The following BMPR1B variants were observed in gnomAD, a reference collection of about 807,000 sequenced individuals.
The protein encoded by BMPR1B is bone morphogenetic protein receptor type-1B.
In BMPR1B, 12 loss-of-function variants were observed where a neutral mutation model predicts 59.1. The ratio of observed to expected loss-of-function variants is 0.20; its 90% CI spans 0.13 to 0.33. The LOEUF is 0.33. BMPR1B is among the 10% of genes least tolerant of loss of function. The pLI is 1.00. For synonymous variants in BMPR1B, 237 were observed against 207.3 expected (o/e 1.14, Z -1.23); for missense variants, 550 against 610.9 (o/e 0.90, Z 1.05).
chr4:94,777,572 G>A (rs1032646602), intron 1 of BMPR1B, among the ~76,000 whole-genome samples: 4 of 152,046 alleles, frequency 2.6e-5, no homozygotes, highest in Non-Finnish European at 4.4e-5. Context: ...GTAGTCAATG[G>A]CAGAAGTGAC....
Position 95,113,453 on chromosome 4 carries a change from C to A in BMPR1B, c.144-1267C>A, listed in dbSNP as rs141778799. On this transcript the variant is annotated intron_variant, in intron 4 of 12. Coordinates refer to ENST00000515059, the MANE Select transcript of BMPR1B (RefSeq NM_001203.3). ...GCTAACATATAGCAGCATGCTGCTA[C>A]CACTAAGACAGAATAGACAAACCCA... Among the ~76,000 whole-genome samples, 722 of 152,280 alleles carry A rather than the reference C, an allele frequency of 4.7e-3. 2 individuals carry two copies. The highest frequency in any genetic ancestry group is 0.016 in the African/African-American group (667 of 41,574).
chr4:94,990,432 G>A (rs1721661638), intron 2 of BMPR1B, among the ~76,000 whole-genome samples: 1 of 152,106 alleles, frequency 6.6e-6, no homozygotes, highest in Non-Finnish European at 1.5e-5. Flanking sequence ...GCCCAAAAGT[G>A]GAAACCAACC....
chr4:94,774,758 C>T (rs62316513), intron 1 of BMPR1B, among the ~76,000 whole-genome samples: 47,434 of 151,630 alleles, frequency 0.31, 8,072 homozygotes, highest in African/African-American at 0.45. Context: ...AGTGTGCTTC[C>T]ATCCTCACAG....
Position 94,843,057 on chromosome 4 carries a change from T to A in BMPR1B, c.-182-32774T>A, listed in dbSNP as rs369915147. On this transcript the variant is annotated intron_variant, in intron 1 of 12. Coordinates refer to ENST00000515059, the MANE Select transcript of BMPR1B (RefSeq NM_001203.3). ...TACTCTCTGCCAGGCACTGTTTTAATGTTTAAAACATATAATTGCATTTAA... is the reference window on the plus strand; with the variant it reads ...TACTCTCTGCCAGGCACTGTTTTAAAGTTTAAAACATATAATTGCATTTAA... 5.9e-5 allele frequency among the ~76,000 whole-genome samples: 9 copies of A among 152,314 alleles called. No homozygotes were observed. In the East Asian group the frequency reaches 1.2e-3, roughly 20 times the overall value.
chr4:95,104,683 T>A, intron 4 of BMPR1B, 116 bp downstream of exon 4: 1 of 1,282,318 alleles, frequency 7.8e-7, no homozygotes, highest in East Asian at 2.4e-5. Context: ...CCTAACACTA[T>A]CGTAAACTCT....
chr4:94,882,119 C>T (rs954585756), intron 2 of BMPR1B, among the ~76,000 whole-genome samples: 1 of 152,042 alleles, frequency 6.6e-6, no homozygotes, highest in African/African-American at 2.4e-5. Flanking sequence ...TGCTACTGTC[C>T]CCCTCACTGT....
chr4:94,825,979 T>C (rs1000784292), intron 1 of BMPR1B, among the ~76,000 whole-genome samples: 11 of 152,210 alleles, frequency 7.2e-5, no homozygotes, highest in East Asian at 1.9e-4. Context: ...ATTACAGATA[T>C]TACTTTTTCC....
rs903586259 is a variant in BMPR1B at position 95,067,860 on chromosome 4, A to G, written c.-17-36548A>G. Among the ~76,000 whole-genome samples, 5 of 152,326 alleles carry G rather than the reference A, an allele frequency of 3.3e-5. No homozygotes were observed. In the South Asian group the frequency reaches 1.0e-3, roughly 32 times the overall value. ...ATGGAGGTCGCGGGGGCAAACAAAT[A>G]CAAAGAATACTTTGGGAACGGATAG... On this transcript the variant is annotated intron_variant, in intron 3 of 12. Coordinates refer to ENST00000515059, the MANE Select transcript of BMPR1B (RefSeq NM_001203.3).
intron 11 of BMPR1B, among the ~76,000 whole-genome samples, chr4:95,150,627 T>C (rs1433861866): frequency 1.3e-5 from 2 of 152,170 alleles, no homozygotes; most frequent in Admixed American, 1.3e-4. Context: ...TGAAAGCCTG[T>C]GGGCCAAATA....
At chr4:95,120,610 T>TTTCCTTCCTTCCTCCCTTCCTTCCTTCC (rs1732410699) in intron 6 of BMPR1B, among the ~76,000 whole-genome samples, 1 of 122,586 alleles carries the variant, frequency 8.2e-6, no homozygotes, top group African/African-American at 3.0e-5. Context: ...ATAGCCTGCC[T>TTTCCTTCCTTCCTCCCTTCCTTCCTTCC]TTCCTTCCTT....
At chr4:95,054,775 A>G (rs1186260106) in intron 3 of BMPR1B, among the ~76,000 whole-genome samples, 1 of 152,160 alleles carries the variant, frequency 6.6e-6, no homozygotes, top group Non-Finnish European at 1.5e-5. Context: ...AGTTATAAAG[A>G]TGGTAGACTG....
intron 2 of BMPR1B, among the ~76,000 whole-genome samples, chr4:94,916,415 G>C (rs1268845999): frequency 6.6e-6 from 1 of 152,318 alleles, no homozygotes; most frequent in East Asian, 1.9e-4. Flanking sequence ...GAACTTACTG[G>C]GAACTGGACC....
Position 95,041,893 on chromosome 4 carries a change from C to T in BMPR1B, c.-18+45759C>T, listed in dbSNP as rs1055089395. Among the ~76,000 whole-genome samples the T allele has an allele frequency of 3.7e-4, 56 of 151,934 alleles. 1 individual carries two copies. The highest frequency in any genetic ancestry group is 2.1e-4 in the South Asian group (1 of 4,812). On this transcript the variant is annotated intron_variant, in intron 3 of 12. Coordinates refer to ENST00000515059, the MANE Select transcript of BMPR1B (RefSeq NM_001203.3). The stretch of plus-strand genomic sequence containing the variant: ...TTTTTGAGACGGAGTCTTGCTCTGT[C>T]GCCCAGGCTGTAGTGCAGTGGTGCG...
intron 1 of BMPR1B, among the ~76,000 whole-genome samples, chr4:94,825,242 C>T (rs762364640): frequency 2.6e-5 from 4 of 152,130 alleles, no homozygotes; most frequent in African/African-American, 4.8e-5. Context: ...GTAGCTCATG[C>T]CTGTAATCCC....
chr4:94,832,141 A>G (rs778590392), intron 1 of BMPR1B, among the ~76,000 whole-genome samples: 10 of 152,172 alleles, frequency 6.6e-5, no homozygotes, highest in Non-Finnish European at 1.3e-4. Context: ...ACCCTGGTCT[A>G]TGGGAAAACT....
chr4:94,913,649 C>CTGTGTG (rs140050722), intron 2 of BMPR1B, among the ~76,000 whole-genome samples: 2,152 of 150,612 alleles, frequency 0.014, 47 homozygotes, highest in African/African-American at 0.05. Context: ...TTAATTATCT[C>CTGTGTG]TGTGTGTGTG....
chr4:94,873,768 A>G (rs570018917), intron 1 of BMPR1B, among the ~76,000 whole-genome samples: 1 of 152,364 alleles, frequency 6.6e-6, no homozygotes, highest in East Asian at 1.9e-4. Flanking sequence ...GTTTAAAAAA[A>G]TTAATGTAAA....
chr4:94,831,483 A>C (rs1724588775), intron 1 of BMPR1B, among the ~76,000 whole-genome samples: 2 of 152,152 alleles, frequency 1.3e-5, no homozygotes, highest in Admixed American at 6.6e-5. Flanking sequence ...AGTGTACAGT[A>C]ATGTCGTAGG....
chr4:94,812,783 T>A (rs1489180995), intron 1 of BMPR1B, among the ~76,000 whole-genome samples: 2 of 152,106 alleles, frequency 1.3e-5, no homozygotes, highest in South Asian at 2.1e-4. Flanking sequence ...TGAAAGTGAT[T>A]TTTTTGGTTT....
Sources: gnomAD v4.1 joint callset for allele counts (sites outside exome capture counted in the v4.1 genomes callset) on GRCh38, gnomAD v4.1.1 for gene constraint, MANE v1.5 for transcripts, NCBI Gene and HGNC (gene_info 2026-07-23, HGNC 2026-07-21) for gene names.